The following MEGF11 variants were observed in gnomAD, a reference collection of about 807,000 sequenced individuals.
MEGF11 encodes multiple EGF like domains 11, also known as multiple epidermal growth factor-like domains protein 11.
Under a neutral mutation model 146.6 loss-of-function variants are expected in MEGF11, and 126 were observed. That is an observed-to-expected ratio of 0.86 (90% CI 0.74 to 1.00). MEGF11 has a LOEUF of 1.00. Ranked by LOEUF, MEGF11 falls within the 50% of genes least tolerant of loss-of-function variation. The pLI is 0.00. For missense variants in MEGF11, 1,509 were observed against 1,521.2 expected, an observed-to-expected ratio of 0.99 and a Z score of 0.13; for synonymous variants, 532 against 583.4, an observed-to-expected ratio of 0.91 and a Z score of 1.27.
intron 4 of MEGF11, among the ~76,000 whole-genome samples, chr15:66,118,485 A>T (rs1306412270): frequency 2.6e-5 from 4 of 152,164 alleles, no homozygotes; most frequent in African/African-American, 7.2e-5. Context: ...AAATAGGAAA[A>T]GAGGCAATGT....
chr15:65,936,029 G>A (rs758800019), intron 10 of MEGF11, among the ~76,000 whole-genome samples: 4 of 152,140 alleles, frequency 2.6e-5, no homozygotes, highest in South Asian at 4.2e-4. Context: ...TGATTTGGGG[G>A]ACCACTAACA....
chr15:66,070,665 C>T (rs1440127496), intron 5 of MEGF11, among the ~76,000 whole-genome samples: 2 of 152,218 alleles, frequency 1.3e-5, no homozygotes, highest in African/African-American at 4.8e-5. Context: ...CAGGTATACT[C>T]TTTCAAATTA....
In MEGF11 at chr15:66,075,731, A is replaced by G. The variant is rs73483448; in HGVS notation, c.394+18671T>C. ...ACAGTGGGTGTTTTGAAGCAAGCAG[A>G]TCCCTGAGCTCTCAGATATAGGAGA... On this transcript the variant is annotated intron_variant, in intron 5 of 25. Transcript: ENST00000395614. Among the ~76,000 whole-genome samples the G allele has an allele frequency of 5.7e-3, 873 of 152,356 alleles. 10 individuals carry two copies. The highest frequency in any genetic ancestry group is 0.02 in the African/African-American group (816 of 41,598).
chr15:65,917,199 C>T (rs1034183117), intron 16 of MEGF11, among the ~76,000 whole-genome samples: 1 of 152,318 alleles, frequency 6.6e-6, no homozygotes, highest in African/African-American at 2.4e-5. Flanking sequence ...ATGACTGACT[C>T]AGCAGGACTC....
intron 4 of MEGF11, among the ~76,000 whole-genome samples, chr15:66,102,438 T>C (rs1464194647): frequency 1.4e-5 from 2 of 146,572 alleles, no homozygotes; most frequent in East Asian, 4.0e-4. Context: ...ATTTTCTTTT[T>C]TTTTTTTTTT....
At chr15:66,075,149 A>G (rs948771710) in intron 5 of MEGF11, among the ~76,000 whole-genome samples, 5 of 152,242 alleles carry the variant, frequency 3.3e-5, no homozygotes, top group African/African-American at 1.2e-4. Flanking sequence ...CCTGATTCAC[A>G]ATGAAGCAAA....
intron 1 of MEGF11, among the ~76,000 whole-genome samples, chr15:66,190,952 C>T (rs1033807289): frequency 6.7e-6 from 1 of 150,114 alleles, no homozygotes; most frequent in Non-Finnish European, 1.5e-5. Context: ...GTATTCCAAC[C>T]TAACATCAGG....
At chr15:66,033,498 G>A (rs562426606) in intron 5 of MEGF11, among the ~76,000 whole-genome samples, 1 of 152,268 alleles carries the variant, frequency 6.6e-6, no homozygotes, top group Non-Finnish European at 1.5e-5. Flanking sequence ...GGAACAGGCA[G>A]TAAGCCTTGG....
chr15:65,930,791 C>T, intron 11 of MEGF11, 32 bp downstream of exon 11: 1 of 1,571,456 alleles, frequency 6.4e-7, no homozygotes, highest in South Asian at 1.2e-5. Context: ...GCTCATATGT[C>T]AGGGATGGGC....
chr15:66,120,796 G>C (rs1567251300), intron 3 of MEGF11, among the ~76,000 whole-genome samples: 3 of 152,214 alleles, frequency 2.0e-5, no homozygotes, highest in Admixed American at 1.3e-4. Context: ...AATCGACTCA[G>C]AGGTCATCCA....
intron 5 of MEGF11, among the ~76,000 whole-genome samples, chr15:66,009,231 G>A (rs2082621774): frequency 1.4e-5 from 2 of 141,614 alleles, no homozygotes; most frequent in African/African-American, 5.3e-5. Context: ...TAGAGAACAC[G>A]TTAACCTAAG....
chr15:66,092,907 T>C (rs992787205), intron 5 of MEGF11, among the ~76,000 whole-genome samples: 1 of 152,220 alleles, frequency 6.6e-6, no homozygotes, highest in Admixed American at 6.5e-5. Flanking sequence ...AAAGATTCCT[T>C]GTAAGCCAAG....
intron 8 of MEGF11, among the ~76,000 whole-genome samples, chr15:65,967,482 G>C (rs968298198): frequency 6.6e-5 from 10 of 152,150 alleles, no homozygotes; most frequent in African/African-American, 1.9e-4. Context: ...TATGTATTTT[G>C]GAGGATCGTG....
intron 1 of MEGF11, among the ~76,000 whole-genome samples, chr15:66,167,136 G>A (rs1018221773): frequency 1.3e-5 from 2 of 152,122 alleles, no homozygotes; most frequent in Non-Finnish European, 2.9e-5. Context: ...ATGGAGCTGG[G>A]CATCTTGATA....
chr15:66,012,627 AT>A (rs1220615996), intron 5 of MEGF11, among the ~76,000 whole-genome samples: 1 of 152,252 alleles, frequency 6.6e-6, no homozygotes, highest in African/African-American at 2.4e-5. Flanking sequence ...CTGTAGAGTT[AT>A]CCCACAGTTT....
intron 7 of MEGF11, among the ~76,000 whole-genome samples, chr15:65,974,550 G>A (rs1159198941): frequency 6.6e-6 from 1 of 152,208 alleles, no homozygotes; most frequent in African/African-American, 2.4e-5. Flanking sequence ...AGCTACTCGG[G>A]AGGCTGAGGC....
chr15:65,918,643 C>T (rs2079079187), intron 15 of MEGF11, among the ~76,000 whole-genome samples: 2 of 152,240 alleles, frequency 1.3e-5, no homozygotes, highest in African/African-American at 2.4e-5. Context: ...GCTCAAGCCT[C>T]TCAGCTCAAC....
chr15:66,187,746 T>G (rs2090749682), intron 1 of MEGF11, among the ~76,000 whole-genome samples: 1 of 151,810 alleles, frequency 6.6e-6, no homozygotes, highest in Admixed American at 6.6e-5. Flanking sequence ...AGCTCAAGCT[T>G]CAGTCCATTT....
chr15:65,929,518 C>A (rs2079495032), intron 12 of MEGF11, among the ~76,000 whole-genome samples: 1 of 152,158 alleles, frequency 6.6e-6, no homozygotes, highest in African/African-American at 2.4e-5. Flanking sequence ...CAAGTATTTG[C>A]CATTTTATAG....
Sources: gnomAD v4.1 joint callset for allele counts (sites outside exome capture counted in the v4.1 genomes callset) on GRCh38, gnomAD v4.1.1 for gene constraint, MANE v1.5 for transcripts, NCBI Gene and HGNC (gene_info 2026-07-23, HGNC 2026-07-21) for gene names.